SLC13A2: variants seen among roughly 807,000 people sequenced by gnomAD.
SLC13A2 encodes solute carrier family 13 member 2.
Under a neutral mutation model 58.5 loss-of-function variants are expected in SLC13A2, and 40 were observed. The observed-to-expected ratio is 0.68, with a 90% CI of 0.53 to 0.89. The LOEUF is 0.89. Ranked by LOEUF, SLC13A2 falls within the 40% of genes least tolerant of loss-of-function variation. The pLI is 0.00. For missense variants in SLC13A2, 694 were observed against 772.6 expected (o/e 0.90, Z 1.21); for synonymous variants, 341 against 331.6 (o/e 1.03, Z -0.31).
intron 1 of SLC13A2, among the ~76,000 whole-genome samples, chr17:28,477,639 G>A (rs1555600342): frequency 6.6e-6 from 1 of 152,238 alleles, no homozygotes; most frequent in Non-Finnish European, 1.5e-5. Flanking sequence ...AGGAGCCCCA[G>A]CCTAGGCTCA....
At position 28,490,599 on chromosome 17, in the gene SLC13A2, C is replaced by T. The variant is rs1555603107; in HGVS notation, c.368+9C>T. The T allele has an allele frequency of 1.9e-6, 3 of 1,593,280 alleles. No homozygotes were observed. In the South Asian group the frequency reaches 3.4e-5, roughly 18 times the overall value. On this transcript the variant is annotated intron_variant, in intron 3 of 11. Transcript: ENST00000314669. ...GGGGTGCGGCCTGCCCCGTGAGTTC[C>T]TCCTGCAAACCAGCACGGGAGAACC...
intron 6 of SLC13A2, 98 bp downstream of exon 6, chr17:28,491,950 CCAATGAGAAGG>C (rs1555603614): frequency 1.3e-6 from 2 of 1,490,476 alleles, no homozygotes; most frequent in Admixed American, 4.4e-5. Flanking sequence ...TATCACCATC[CCAATGAGAAGG>C]CTTCTCCCTC....
At chr17:28,489,558 G>C (rs1189139298) in intron 2 of SLC13A2, among the ~76,000 whole-genome samples, 1 of 152,210 alleles carries the variant, frequency 6.6e-6, no homozygotes, top group Admixed American at 6.5e-5. Flanking sequence ...AGGTGAGAGT[G>C]ATTAGCCAGC....
intron 1 of SLC13A2, among the ~76,000 whole-genome samples, chr17:28,476,669 G>A (rs529500246): frequency 1.2e-4 from 19 of 152,186 alleles, no homozygotes; most frequent in Admixed American, 3.3e-4. Flanking sequence ...AGCCTTCTCT[G>A]ACCAACCCCA....
intron 1 of SLC13A2, among the ~76,000 whole-genome samples, chr17:28,484,680 G>T (rs547045922): frequency 6.6e-6 from 1 of 152,314 alleles, no homozygotes; most frequent in African/African-American, 2.4e-5. Context: ...AAGAGAGGAA[G>T]CTGGGAGATG....
chr17:28,483,708 G>A (rs562658724), intron 1 of SLC13A2, among the ~76,000 whole-genome samples: 1 of 152,316 alleles, frequency 6.6e-6, no homozygotes, highest in African/African-American at 2.4e-5. Context: ...CAGTAGCCCA[G>A]TTAGGTGGAT....
intron 1 of SLC13A2, among the ~76,000 whole-genome samples, chr17:28,488,292 G>A (rs1385885477): frequency 1.3e-5 from 2 of 152,160 alleles, no homozygotes; most frequent in Non-Finnish European, 2.9e-5. Context: ...AAGGGAGGAG[G>A]GGGTCCCCAG....
At chr17:28,482,191 TTTTG>T (rs530553446) in intron 1 of SLC13A2, among the ~76,000 whole-genome samples, 1,568 of 151,816 alleles carry the variant, frequency 0.01, 17 homozygotes, top group African/African-American at 0.034. Context: ...AGCTAAGTTT[TTTTG>T]TTTGTTTGTT....
intron 1 of SLC13A2, among the ~76,000 whole-genome samples, chr17:28,484,792 G>A (rs1399751826): frequency 6.6e-6 from 1 of 152,218 alleles, no homozygotes; most frequent in Non-Finnish European, 1.5e-5. Context: ...AGAACCAGCA[G>A]GACTGGGTGC....
intron 1 of SLC13A2, among the ~76,000 whole-genome samples, chr17:28,486,925 G>A (rs1421361154): frequency 6.6e-6 from 1 of 151,866 alleles, no homozygotes; most frequent in East Asian, 1.9e-4. Context: ...AGCCTCCCAA[G>A]TAGCTGGGAC....
Position 28,494,287 on chromosome 17 carries a change from C to T in SLC13A2, c.1187-104C>T. ...TTGCAGAACTGAGGGTCCCCTCCTG[C>T]ACGCGTTAAGCTCCAAAAGGGACCC... On this transcript the variant is annotated intron_variant, in intron 8 of 11. Transcript: ENST00000314669. This position sits in a 1 kb window ranked among gnomAD's most constrained non-coding sequence, Gnocchi z 4.0. 6.3e-7 allele frequency: 1 copy of T among 1,592,594 alleles called. No homozygotes were observed. The highest frequency in any genetic ancestry group is 1.7e-5 in the Admixed American group (1 of 59,640).
rs782233882 is a variant in SLC13A2 at position 28,491,569 on chromosome 17, C to A, written c.707C>A (p.Thr236Lys). The stretch of plus-strand genomic sequence containing the variant: ...TCCGCCAGCATCGGGGGCATCGCCA[C>A]GCTGACTGGCACCGCACCCAACCTG... ...CYSASIGGIATLTGTAPNLVL... is the reference protein window; with the variant it reads ...CYSASIGGIAKLTGTAPNLVL... Residue 236 changes from threonine (T) to lysine (K), a missense_variant, in exon 5 of 12, where the codon ACG (threonine) becomes AAG (lysine). Thr to Lys is a moderately conservative substitution (Grantham distance 78, BLOSUM62 -1). Transcript: ENST00000314669. The A allele has an allele frequency of 2.5e-6, 4 of 1,613,498 alleles. No homozygotes were observed. The highest frequency in any genetic ancestry group is 3.4e-6 in the Non-Finnish European group (4 of 1,180,040).
rs2069093978 is a variant in SLC13A2, at chr17:28,494,243, C to T, written c.1186+138C>T. 2.2e-5 allele frequency: 33 copies of T among 1,507,386 alleles called. No individual in the cohort carries two copies. Among genetic ancestry groups the T allele is most frequent in the Non-Finnish European group, 2.7e-5 (29 of 1,091,908 alleles). 93.4% of individuals were successfully genotyped at this position (1,507,386 alleles called of 1,614,324 possible). ...GCGACTTGCCAAGGGCACAGGGACT[C>T]GGAGACAAAGTTGAGATGTTGCAGA... is the stretch of plus-strand genomic sequence containing the variant. On this transcript the variant is annotated intron_variant, in intron 8 of 11. Transcript: ENST00000314669. The surrounding 1 kb of genome is among the most constrained non-coding windows in gnomAD (Gnocchi z 4.0).
intron 1 of SLC13A2, among the ~76,000 whole-genome samples, chr17:28,477,468 A>G (rs1555600267): frequency 3.3e-5 from 5 of 151,444 alleles, no homozygotes; most frequent in Non-Finnish European, 5.9e-5. Flanking sequence ...TGCTGGGATT[A>G]CAGGCGTGAG....
chr17:28,480,873 A>G (rs2151447108), intron 1 of SLC13A2, among the ~76,000 whole-genome samples: 1 of 152,238 alleles, frequency 6.6e-6, no homozygotes. Context: ...CTGGTCACCC[A>G]CCAGATTGGT....
At chr17:28,497,006 G>T in intron 11 of SLC13A2, 93 bp from the exon 12 acceptor site, 1 of 1,351,768 alleles carries the variant, frequency 7.4e-7, no homozygotes, top group Non-Finnish European at 1.0e-6. Context: ...AATTTTGCTG[G>T]TAGGAGGGCT....
chr17:28,493,756 G>A lies in SLC13A2; in HGVS notation c.1064G>A (p.Gly355Asp). ...GAGCCGGGCTTTTTTCTTGGCTGGG[G>A]CAATTTGGCTTTTCCCAATGCCAAG... ...TREPGFFLGW[G>D]NLAFPNAKGE... Residue 355 changes from glycine (G) to aspartate (D), a missense_variant, in exon 7 of 12, where the codon GGC becomes GAC. By Grantham distance (94) the Gly-to-Asp change is moderately conservative. Coordinates refer to ENST00000314669, the MANE Select transcript of SLC13A2 (RefSeq NM_003984.4). The A allele has an allele frequency of 2.5e-6, 4 of 1,614,190 alleles. No individual in the cohort carries two copies. The highest frequency in any genetic ancestry group is 3.4e-6 in the Non-Finnish European group (4 of 1,180,038).
At chr17:28,484,647 C>T (rs910185940) in intron 1 of SLC13A2, among the ~76,000 whole-genome samples, 1 of 152,030 alleles carries the variant, frequency 6.6e-6, no homozygotes, top group Non-Finnish European at 1.5e-5. Flanking sequence ...CTGGCTGCAG[C>T]AAGGAGAAAG....
chr17:28,476,895 G>C (rs1214879082), intron 1 of SLC13A2, among the ~76,000 whole-genome samples: 3 of 151,992 alleles, frequency 2.0e-5, no homozygotes, highest in Non-Finnish European at 1.5e-5. Flanking sequence ...AGTGGCTCAC[G>C]CCTATAATTC....
Sources: allele counts gnomAD v4.1 joint callset (sites outside exome capture counted in the v4.1 genomes callset), GRCh38; gene constraint gnomAD v4.1.1; non-coding constraint Gnocchi (gnomAD v3.1); transcripts MANE v1.5; gene names NCBI Gene and HGNC (gene_info 2026-07-23, HGNC 2026-07-21).